FAN1: variants seen among roughly 807,000 people sequenced by gnomAD.
The protein encoded by FAN1 is FANCD2 and FANCI associated nuclease 1, also known as fanconi-associated nuclease 1.
FAN1 carries 91 observed loss-of-function variants against 104.9 expected under a neutral mutation model. That is an observed-to-expected ratio of 0.87 (90% confidence interval 0.73 to 1.03). The LOEUF (loss-of-function observed/expected upper bound fraction) is 1.03. Ranked by LOEUF, FAN1 falls within the 50% of genes least tolerant of loss-of-function variation. FAN1 has a pLI of 0.00. For synonymous variants in FAN1, 478 were observed against 457.6 expected (o/e 1.04, Z -0.57); for missense variants, 1,263 against 1,239.9 (o/e 1.02, Z -0.28).
chr15:30,917,677 C>T (rs541661594), intron 5 of FAN1, among the ~76,000 whole-genome samples: 220 of 152,294 alleles, frequency 1.4e-3, no homozygotes, highest in Admixed American at 4.9e-3. Context: ...AACATTTCAG[C>T]GTTGCCATCT....
Position 30,942,326 on chromosome 15 carries a change from T to C in FAN1, c.*764T>C. On this transcript the variant is annotated 3_prime_UTR_variant, in exon 15 of 15. Coordinates refer to ENST00000362065, the MANE Select transcript of FAN1 (RefSeq NM_014967.5). ...GATGAGAGTACCTCCTATCCACTAA[T>C]TTGCTTAAGGATAAGTTCTAAGACG... is the stretch of plus-strand genomic sequence containing the variant. 1 of 542,312 alleles carries C rather than the reference T, an allele frequency of 1.8e-6. No homozygotes were observed. The highest frequency in any genetic ancestry group is 3.2e-6 in the Non-Finnish European group (1 of 307,960). The allele number at this position is 542,312 out of a possible 1,614,324, so 33.6% of individuals were successfully genotyped here.
chr15:30,930,837 A>G (rs1044851622), intron 13 of FAN1, among the ~76,000 whole-genome samples, 166 bp downstream of exon 13: 12 of 152,186 alleles, frequency 7.9e-5, no homozygotes, highest in Admixed American at 3.9e-4. Flanking sequence ...GACTGGCTTC[A>G]TCAGAGCAGG....
intron 6 of FAN1, among the ~76,000 whole-genome samples, chr15:30,919,436 A>C (rs1477404364): frequency 1.3e-5 from 2 of 151,490 alleles, no homozygotes; most frequent in Non-Finnish European, 2.9e-5. Flanking sequence ...CATGCCTGTA[A>C]TCCCAGCACT....
chr15:30,911,205 T>A (rs2062094029), intron 4 of FAN1: 1 of 1,001,986 alleles, frequency 1.0e-6, no homozygotes, highest in African/African-American at 1.7e-5. Flanking sequence ...CAAGTTTTCC[T>A]GAGTTTAAAC....
intron 13 of FAN1, among the ~76,000 whole-genome samples, chr15:30,931,736 A>G (rs1595881444): frequency 6.6e-6 from 1 of 152,006 alleles, no homozygotes; most frequent in South Asian, 2.1e-4. Flanking sequence ...ACCCATATAT[A>G]TGTGGGTCTG....
In FAN1 at chr15:30,943,093, T is replaced by C. The variant is rs1289324795; in HGVS notation, c.*1531T>C. ...AATTCCTGCAAAATAAATAAATAAA[T>C]ATTTGCAAAACTAAAGATTCTCTCA... is the stretch of plus-strand genomic sequence containing the variant. On this transcript the variant is annotated 3_prime_UTR_variant, in exon 15 of 15. Transcript: ENST00000362065. The C allele has an allele frequency of 6.5e-7, 1 of 1,529,230 alleles. No homozygotes were observed. The highest frequency in any genetic ancestry group is 8.8e-7 in the Non-Finnish European group (1 of 1,138,896). 94.7% of individuals were successfully genotyped at this position (1,529,230 alleles called of 1,614,324 possible).
At chr15:30,939,827 G>A (rs1271844234) in intron 14 of FAN1, 1 of 985,026 alleles carries the variant, frequency 1.0e-6, no homozygotes, top group Non-Finnish European at 1.2e-6. Flanking sequence ...ATCAAGGACT[G>A]TAAAATGTTT....
intron 14 of FAN1, 21 bp from the exon 15 acceptor site, chr15:30,941,545 T>C: frequency 6.2e-7 from 1 of 1,607,318 alleles, no homozygotes; most frequent in Non-Finnish European, 8.5e-7. Flanking sequence ...ATGGTGTTCC[T>C]AAAATGCTTC....
chr15:30,922,179 A>G, intron 7 of FAN1, 56 bp from the exon 8 acceptor site: 1 of 1,584,502 alleles, frequency 6.3e-7, no homozygotes, highest in South Asian at 1.2e-5. Context: ...TGTAAATATC[A>G]TTGCAGCTGG....
intron 14 of FAN1, 182 bp from the exon 15 acceptor site, chr15:30,941,384 A>G: frequency 6.5e-7 from 1 of 1,539,004 alleles, no homozygotes; most frequent in Non-Finnish European, 8.7e-7. Context: ...TAAAGTTATT[A>G]GAGATTCAAA....
intron 2 of FAN1, among the ~76,000 whole-genome samples, chr15:30,907,543 CA>C (rs765411203): frequency 6.6e-6 from 1 of 151,538 alleles, no homozygotes; most frequent in Non-Finnish European, 1.5e-5. Context: ...AAAAACAAAA[CA>C]AAAAAACAAC....
At position 30,925,869 on chromosome 15, in the gene FAN1, C is replaced by T. The variant is rs143461130; in HGVS notation, c.2418C>T (p.Asp806=). 6,766 of 1,614,208 alleles carry T rather than the reference C, an allele frequency of 4.2e-3. 20 individuals are homozygous for T. The highest frequency in any genetic ancestry group is 5.2e-3 in the Non-Finnish European group (6,194 of 1,180,034). Residue 806 remains aspartate, a synonymous_variant, in exon 10 of 15, where the codon GAC becomes GAT. Transcript: ENST00000362065. ...TGATGGAGGCCGGGGAGGCCGCTGA[C>T]CCCACCACGGTCCTGTGCTCTGTGG... is the stretch of plus-strand genomic sequence containing the variant. The part of the protein sequence containing the change: ...VFVMEAGEAA[D]PTTVLCSVEE...
In FAN1 at chr15:30,925,192, G is replaced by T. The variant is rs367676939; in HGVS notation, c.2238G>T (p.Leu746=). The part of the protein sequence containing the change: ...PEVRTGHRLS[L]YQRAVRLRES... The stretch of plus-strand genomic sequence containing the variant: ...TCAGAACGGGACACCGCCTTTCACT[G>T]TATCAGCGAGCCGTGCGCCTGCGAG... The change falls in exon 9 of 15, where the codon CTG becomes CTT. Residue 746 remains leucine (L), a synonymous_variant. Transcript: ENST00000362065. The T allele has an allele frequency of 6.2e-7, 1 of 1,613,910 alleles. No individual in the cohort carries two copies. Among genetic ancestry groups the T allele is most frequent in the African/African-American group, 1.3e-5 (1 of 74,894 alleles).
At chr15:30,911,698 T>A in intron 4 of FAN1, 1 of 900,966 alleles carries the variant, frequency 1.1e-6, no homozygotes, top group Non-Finnish European at 1.3e-6. Flanking sequence ...CCTTTCTTTA[T>A]CTAATTGTAT....
In FAN1 at chr15:30,923,276, G is replaced by A. The variant is rs559290785; in HGVS notation, c.2172+922G>A. Among the ~76,000 whole-genome samples, 9 of 152,260 alleles carry A rather than the reference G, an allele frequency of 5.9e-5. No individual in the cohort carries two copies. In the South Asian group the frequency reaches 1.5e-3, roughly 25 times the overall value. ...AGGGTGTGGGGCTTCCTTACCACTC[G>A]GTGTTTACTGAGGCTGAAATAGCAA... On this transcript the variant is annotated intron_variant, in intron 8 of 14. Coordinates refer to ENST00000362065, the MANE Select transcript of FAN1 (RefSeq NM_014967.5).
rs1169067390 is a variant in FAN1, at chr15:30,929,652, TATA to T, written c.2787+259_2787+261del. On this transcript the variant is annotated intron_variant, in intron 12 of 14. Coordinates refer to ENST00000362065, the MANE Select transcript of FAN1 (RefSeq NM_014967.5). ...ATATTATACAATATACAATATATAA[TATA>T]ATATATGAAATATATAATATATCAT... Among the ~76,000 whole-genome samples, 105 of 66,800 alleles carry T rather than the reference TATA, an allele frequency of 1.6e-3. 2 individuals are homozygous for T. The highest frequency in any genetic ancestry group is 5.7e-3 in the African/African-American group (96 of 16,748). 43.8% of individuals were successfully genotyped at this position (66,800 alleles called of 152,430 possible).
At chr15:30,929,715 A>C (rs12899824) in intron 12 of FAN1, among the ~76,000 whole-genome samples, 1 of 56,774 alleles carries the variant, frequency 1.8e-5, no homozygotes. Flanking sequence ...TATCATATAT[A>C]ATATATATAA....
chr15:30,909,881 A>C (rs1026637904), intron 3 of FAN1, among the ~76,000 whole-genome samples: 1 of 152,212 alleles, frequency 6.6e-6, no homozygotes, highest in Non-Finnish European at 1.5e-5. Context: ...GCCTCCTGCC[A>C]GCTTCAGTTT....
At position 30,904,717 on chromosome 15, in the gene FAN1, A is replaced by T; in HGVS notation, c.54A>T (p.Ser18=). The part of the protein sequence containing the change: ...PDKKRPRRSL[S]ISKNKKKASN... ...AAAAAAGGCCTCGTAGAAGCTTATCAATCAGCAAGAATAAGAAAAAAGCAT... is the reference window on the plus strand; with the variant it reads ...AAAAAAGGCCTCGTAGAAGCTTATCTATCAGCAAGAATAAGAAAAAAGCAT... Residue 18 remains serine (S), a synonymous_variant, in exon 2 of 15, where the codon TCA becomes TCT. Coordinates refer to ENST00000362065, the MANE Select transcript of FAN1 (RefSeq NM_014967.5). 6.2e-7 allele frequency: 1 copy of T among 1,609,620 alleles called. No homozygotes were observed. The highest frequency in any genetic ancestry group is 8.5e-7 in the Non-Finnish European group (1 of 1,177,226).
Sources: allele counts gnomAD v4.1 joint callset (sites outside exome capture counted in the v4.1 genomes callset), GRCh38; gene constraint gnomAD v4.1.1; transcripts MANE v1.5; gene names NCBI Gene and HGNC (gene_info 2026-07-23, HGNC 2026-07-21).